NXPH1: variants seen among roughly 807,000 people sequenced by gnomAD.
NXPH1 encodes neurexophilin-1.
In NXPH1, 5 loss-of-function variants were observed where a neutral mutation model predicts 23.7. The observed-to-expected ratio is 0.21, with a 90% confidence interval of 0.11 to 0.44. The LOEUF (loss-of-function observed/expected upper bound fraction) is 0.44. Among genes scored for constraint, NXPH1 ranks in the 20% least tolerant of loss-of-function variants. The pLI is 0.99. For missense variants in NXPH1, 324 were observed against 321.6 expected (o/e 1.01, Z -0.06); for synonymous variants, 144 against 122.2 (o/e 1.18, Z -1.18).
intron 2 of NXPH1, among the ~76,000 whole-genome samples, chr7:8,579,572 A>AT: frequency 6.6e-6 from 1 of 152,238 alleles, no homozygotes; most frequent in East Asian, 1.9e-4. Flanking sequence ...GGGTTTCTCC[A>AT]TGTTGGTCAG....
At chr7:8,645,146 C>A (rs1487259164) in intron 2 of NXPH1, among the ~76,000 whole-genome samples, 1 of 152,072 alleles carries the variant, frequency 6.6e-6, no homozygotes, top group Non-Finnish European at 1.5e-5. Context: ...TTTTACTTTT[C>A]TTCGAATGCA....
intron 2 of NXPH1, among the ~76,000 whole-genome samples, chr7:8,550,043 A>G (rs1293806178): frequency 1.3e-5 from 2 of 151,642 alleles, no homozygotes; most frequent in African/African-American, 4.8e-5. Context: ...AGAATACAAT[A>G]TATCAAATGC....
chr7:8,464,273 T>C (rs934200317), intron 2 of NXPH1, among the ~76,000 whole-genome samples: 1 of 152,216 alleles, frequency 6.6e-6, no homozygotes, highest in Non-Finnish European at 1.5e-5. Flanking sequence ...GAGAGGTCCT[T>C]ATCTGTGACC....
chr7:8,691,897 G>A (rs1821227176), intron 2 of NXPH1, among the ~76,000 whole-genome samples: 1 of 152,156 alleles, frequency 6.6e-6, no homozygotes, highest in Non-Finnish European at 1.5e-5. Flanking sequence ...GAGTCACAGA[G>A]TTGCTGCCTT....
At chr7:8,557,486 A>C (rs6952939) in intron 2 of NXPH1, among the ~76,000 whole-genome samples, 68,421 of 151,326 alleles carry the variant, frequency 0.45, 15,623 homozygotes, top group East Asian at 0.55. Context: ...AATCCTTTTA[A>C]TCTTGGGTAA....
chr7:8,505,951 A>G (rs1817515456), intron 2 of NXPH1, among the ~76,000 whole-genome samples: 1 of 152,088 alleles, frequency 6.6e-6, no homozygotes, highest in African/African-American at 2.4e-5. Flanking sequence ...CTGCATTTTT[A>G]TAGTGTCCAT....
chr7:8,630,396 G>C (rs981034080), intron 2 of NXPH1, among the ~76,000 whole-genome samples: 4 of 152,052 alleles, frequency 2.6e-5, no homozygotes, highest in Non-Finnish European at 4.4e-5. Context: ...TATTGTTTCA[G>C]GTGCAATGCT....
intron 2 of NXPH1, among the ~76,000 whole-genome samples, chr7:8,453,775 G>C (rs6463811): frequency 0.13 from 19,393 of 152,054 alleles, 3,933 homozygotes; most frequent in African/African-American, 0.43. Flanking sequence ...TGGCTGCATA[G>C]TATTCCATCT....
At position 8,574,893 on chromosome 7, in the gene NXPH1, T is replaced by C. The variant is rs149467705; in HGVS notation, c.54+139126T>C. ...TTGAAATAGATAAGACTTTAAAAAA[T>C]AGGGATAAAAATGCACTGATGGTTT... On this transcript the variant is annotated intron_variant, in intron 2 of 2. Coordinates refer to ENST00000405863, the MANE Select transcript of NXPH1 (RefSeq NM_152745.3). Among the ~76,000 whole-genome samples the C allele has an allele frequency of 3.9e-5, 6 of 152,224 alleles. No homozygotes were observed. In the East Asian group the frequency reaches 1.2e-3, roughly 29 times the overall value.
chr7:8,582,294 G>C (rs185724036), intron 2 of NXPH1, among the ~76,000 whole-genome samples: 69 of 152,270 alleles, frequency 4.5e-4, no homozygotes, highest in African/African-American at 1.6e-3. Context: ...ATGGTGAGTG[G>C]GGTCTGTGTT....
rs910617550 is a variant in NXPH1, at chr7:8,434,600, T to A, written c.-266T>A. 1.3e-5 allele frequency: 2 copies of A among 152,722 alleles called. No homozygotes were observed. Among genetic ancestry groups the A allele is most frequent in the African/African-American group, 4.8e-5 (2 of 41,458 alleles). 9.5% of individuals were successfully genotyped at this position (152,722 alleles called of 1,614,324 possible). Reference sequence around the variant, plus strand: ...ACTGGGACGGCGACTCCGCCAAAGCTGGACGAGGCAGCCGGACCCGTCTGC... The same window carrying A: ...ACTGGGACGGCGACTCCGCCAAAGCAGGACGAGGCAGCCGGACCCGTCTGC... On this transcript the variant is annotated 5_prime_UTR_variant, in exon 1 of 3. Transcript: ENST00000405863. This position sits in a 1 kb window ranked among gnomAD's most constrained non-coding sequence, Gnocchi z 7.6.
intron 2 of NXPH1, among the ~76,000 whole-genome samples, chr7:8,637,245 G>C (rs1172777936): frequency 1.3e-5 from 2 of 149,612 alleles, no homozygotes; most frequent in African/African-American, 2.5e-5. Context: ...TTTTGAGAGA[G>C]AGGGCCTGGC....
intron 2 of NXPH1, among the ~76,000 whole-genome samples, chr7:8,466,542 T>C (rs772295437): frequency 4.1e-4 from 63 of 152,194 alleles, no homozygotes; most frequent in Non-Finnish European, 7.6e-4. Context: ...GATCTATTCA[T>C]GTTCTTTTTT....
At chr7:8,473,072 C>A (rs187040438) in intron 2 of NXPH1, among the ~76,000 whole-genome samples, 1 of 152,252 alleles carries the variant, frequency 6.6e-6, no homozygotes, top group East Asian at 1.9e-4. Flanking sequence ...CACCCAAGAA[C>A]CACTTTTCTG....
intron 2 of NXPH1, among the ~76,000 whole-genome samples, chr7:8,703,552 A>AT (rs77248157): frequency 4.6e-5 from 7 of 151,344 alleles, no homozygotes; most frequent in African/African-American, 7.3e-5. Flanking sequence ...AGCAGTACTG[A>AT]TTTTTTTTTG....
At chr7:8,595,669 T>G (rs757353492) in intron 2 of NXPH1, among the ~76,000 whole-genome samples, 32 of 152,188 alleles carry the variant, frequency 2.1e-4, no homozygotes, top group Admixed American at 1.1e-3. Context: ...TCTACGGAAC[T>G]CAAGAGTATA....
intron 2 of NXPH1, among the ~76,000 whole-genome samples, chr7:8,446,421 T>A (rs77293485): frequency 0.037 from 5,624 of 152,266 alleles, 138 homozygotes; most frequent in Middle Eastern, 0.054. Context: ...AAGTCATGGC[T>A]AAGAAAGAAA....
At chr7:8,660,874 C>G (rs1433044384) in intron 2 of NXPH1, among the ~76,000 whole-genome samples, 2 of 151,606 alleles carry the variant, frequency 1.3e-5, no homozygotes, top group Non-Finnish European at 2.9e-5. Flanking sequence ...TCAAAAATTT[C>G]CAGTCTAAAA....
At chr7:8,481,789 C>T (rs1817076781) in intron 2 of NXPH1, among the ~76,000 whole-genome samples, 1 of 152,104 alleles carries the variant, frequency 6.6e-6, no homozygotes, top group Non-Finnish European at 1.5e-5. Context: ...AGGTAATGAG[C>T]ATAGCACCTG....
Sources: gnomAD v4.1 joint callset for allele counts (sites outside exome capture counted in the v4.1 genomes callset) on GRCh38, gnomAD v4.1.1 for gene constraint, Gnocchi (gnomAD v3.1) non-coding constraint, MANE v1.5 for transcripts, NCBI Gene and HGNC (gene_info 2026-07-23, HGNC 2026-07-21) for gene names.